Variants in VWA3B observed in about 807,000 individuals in gnomAD.
VWA3B encodes von Willebrand factor A domain-containing protein 3B.
Under a neutral mutation model 158.3 loss-of-function variants are expected in VWA3B, and 138 were observed. That is an observed-to-expected ratio of 0.87 (90% confidence interval 0.76 to 1.00). The LOEUF (loss-of-function observed/expected upper bound fraction) is 1.00, where lower values mean the gene tolerates loss of function less well. Ranked by LOEUF, VWA3B falls within the 50% of genes least tolerant of loss-of-function variation. The pLI is 0.00. For synonymous variants in VWA3B, 596 were observed against 587.3 expected, an observed-to-expected ratio of 1.01 and a Z score of -0.21; for missense variants, 1,555 against 1,565.1, an observed-to-expected ratio of 0.99 and a Z score of 0.11.
At chr2:98,153,872 T>A (rs184179770) in intron 7 of VWA3B, among the ~76,000 whole-genome samples, 38 of 152,320 alleles carry the variant, frequency 2.5e-4, no homozygotes, top group African/African-American at 8.2e-4. Context: ...TCTATTTTTT[T>A]AAATCTCTTG....
chr2:98,107,521 T>C (rs1283536434), intron 2 of VWA3B, among the ~76,000 whole-genome samples: 1 of 152,116 alleles, frequency 6.6e-6, no homozygotes, highest in African/African-American at 2.4e-5. Context: ...GGAGATTCCT[T>C]TTTGAAGAAG....
In VWA3B at chr2:98,194,397, A is replaced by AC; in HGVS notation, c.1642_1643insC (p.Lys548ThrfsTer3). The AC allele has an allele frequency of 6.2e-7, 1 of 1,614,030 alleles. No individual in the cohort carries two copies. Among genetic ancestry groups the AC allele is most frequent in the Non-Finnish European group, 8.5e-7 (1 of 1,179,954 alleles). On this transcript the variant is annotated frameshift_variant, in exon 12 of 28. Transcript: ENST00000477737. LOFTEE classifies it high-confidence loss of function. ...ATATAAAAGTAAGTTTAACTTTGTG[A>AC]AGTTTGATGGTCAAGCAGTTGCTTG...
chr2:98,314,513 T>C (rs1272370880), downstream of VWA3B, among the ~76,000 whole-genome samples: 1 of 152,194 alleles, frequency 6.6e-6, no homozygotes, highest in Admixed American at 6.5e-5. Flanking sequence ...TTTGACTAAA[T>C]GTTTCCGTGG....
intron 9 of VWA3B, among the ~76,000 whole-genome samples, chr2:98,186,385 A>G (rs1191797473): frequency 6.6e-6 from 1 of 151,832 alleles, no homozygotes; most frequent in Non-Finnish European, 1.5e-5. Context: ...CGGCGCCTTC[A>G]AAATGTACCC....
chr2:98,225,246 A>G (rs935887739), intron 14 of VWA3B, among the ~76,000 whole-genome samples: 3 of 152,204 alleles, frequency 2.0e-5, no homozygotes, highest in African/African-American at 7.2e-5. Context: ...TTGTTTTTGT[A>G]TATTGGAAAT....
At chr2:98,152,044 A>G (rs1270286660) in intron 7 of VWA3B, among the ~76,000 whole-genome samples, 1 of 152,248 alleles carries the variant, frequency 6.6e-6, no homozygotes, top group Non-Finnish European at 1.5e-5. Flanking sequence ...GGGAGTGAAT[A>G]CTGTACTGTT....
intron 14 of VWA3B, among the ~76,000 whole-genome samples, chr2:98,221,162 C>T (rs1684470634): frequency 6.6e-6 from 1 of 152,026 alleles, no homozygotes; most frequent in Admixed American, 6.5e-5. Flanking sequence ...ATTGTCGTGT[C>T]ATTCTCCAAG....
rs1370113543 is a variant in VWA3B, at chr2:98,121,358, T to C, written c.602T>C (p.Ile201Thr). ...GCTACTCCTGTGACCGAACAGTCCA[T>C]AGCTACTGCCATCAGTTGGGTTGAG... is the stretch of plus-strand genomic sequence containing the variant. ...ENATPVTEQS[I>T]ATAISWVEKL... Residue 201 changes from isoleucine to threonine, a missense_variant, in exon 5 of 28, where the codon ATA becomes ACA. Physicochemically the swap from Ile to Thr is moderately conservative, Grantham distance 89. Transcript: ENST00000477737. 1.2e-6 allele frequency: 2 copies of C among 1,614,218 alleles called. No homozygotes were observed. The highest frequency in any genetic ancestry group is 1.3e-5 in the African/African-American group (1 of 75,056).
chr2:98,123,317 A>G (rs751618011), intron 5 of VWA3B, among the ~76,000 whole-genome samples: 31 of 152,178 alleles, frequency 2.0e-4, no homozygotes, highest in Non-Finnish European at 3.2e-4. Flanking sequence ...TGCTGAGAGG[A>G]GCCAGGAAAG....
At chr2:98,228,108 G>A (rs1187286652) in intron 14 of VWA3B, 94 bp from the exon 15 acceptor site, 1 of 1,416,278 alleles carries the variant, frequency 7.1e-7, no homozygotes. Flanking sequence ...GGGCAACATA[G>A]TGAACCTCTT....
intron 13 of VWA3B, 35 bp from the exon 14 acceptor site, chr2:98,217,811 C>A: frequency 6.6e-7 from 1 of 1,517,030 alleles, no homozygotes; most frequent in Non-Finnish European, 8.8e-7. Flanking sequence ...CTCTTTCCAT[C>A]TCCCTTCCCC....
intron 7 of VWA3B, among the ~76,000 whole-genome samples, chr2:98,155,283 C>T (rs1459220688): frequency 2.6e-5 from 4 of 152,262 alleles, no homozygotes; most frequent in Middle Eastern, 3.4e-3. Flanking sequence ...TGGTTTCAGA[C>T]GTAGGAAGAG....
Position 98,096,489 on chromosome 2 carries a change from G to A in VWA3B, c.196+3201G>A, listed in dbSNP as rs559574184. ...TCACCATGTTGGTCAGGCTGGTCTC[G>A]AATTCCTGACCTCAGCTGATCCACC... On this transcript the variant is annotated intron_variant, in intron 2 of 27. Coordinates refer to ENST00000477737, the MANE Select transcript of VWA3B (RefSeq NM_144992.5). Among the ~76,000 whole-genome samples, 18 of 152,062 alleles carry A rather than the reference G, an allele frequency of 1.2e-4. No individual in the cohort carries two copies. The East Asian group carries it at 3.5e-3, about 29-fold the overall frequency.
chr2:98,162,785 C>G, intron 7 of VWA3B, 66 bp from the exon 8 acceptor site: 1 of 1,589,294 alleles, frequency 6.3e-7, no homozygotes, highest in Non-Finnish European at 8.6e-7. Context: ...GTCAGGCCTG[C>G]TAGGCGGGCT....
At chr2:98,093,431 C>T (rs527848725) in intron 2 of VWA3B, 143 bp downstream of exon 2, 3 of 713,966 alleles carry the variant, frequency 4.2e-6, no homozygotes, top group South Asian at 2.0e-5. Context: ...AATGCTTGCA[C>T]GTGTGCCCCC....
intron 14 of VWA3B, among the ~76,000 whole-genome samples, chr2:98,222,310 CA>C (rs1301413562): frequency 6.6e-6 from 1 of 152,208 alleles, no homozygotes; most frequent in Admixed American, 6.5e-5. Context: ...TGGGAGAGCT[CA>C]CCAGATACAT....
chr2:98,263,985 A>G (rs1687639545), intron 21 of VWA3B, among the ~76,000 whole-genome samples: 1 of 151,766 alleles, frequency 6.6e-6, no homozygotes, highest in African/African-American at 2.4e-5. Context: ...GTTTCTAGGA[A>G]TTTATCCATT....
At chr2:98,233,926 G>A (rs747676694) in intron 16 of VWA3B, among the ~76,000 whole-genome samples, 1 of 152,198 alleles carries the variant, frequency 6.6e-6, no homozygotes, top group Non-Finnish European at 1.5e-5. Context: ...AGATGACTTG[G>A]CACAGGCTCA....
In VWA3B at chr2:98,190,993, A is replaced by G. The variant is rs961166181; in HGVS notation, c.1467-1905A>G. 1.3e-5 allele frequency among the ~76,000 whole-genome samples: 2 copies of G among 151,946 alleles called. 1 individual carries two copies. The highest frequency in any genetic ancestry group is 6.3e-3 in the Middle Eastern group (2 of 316). ...GATTACACATATGTTAGACTCCTTG[A>G]TATTGTTCCATGGGCCACTAATTAT... On this transcript the variant is annotated intron_variant, in intron 10 of 27. Coordinates refer to ENST00000477737, the MANE Select transcript of VWA3B (RefSeq NM_144992.5).
Sources: gnomAD v4.1 joint callset for allele counts (sites outside exome capture counted in the v4.1 genomes callset) on GRCh38, gnomAD v4.1.1 for gene constraint, MANE v1.5 for transcripts, NCBI Gene and HGNC (gene_info 2026-07-23, HGNC 2026-07-21) for gene names.